Variants in R3HDM2 observed in about 807,000 individuals in gnomAD.
The protein encoded by R3HDM2 is R3H domain-containing protein 2.
In R3HDM2, 38 loss-of-function variants were observed where a neutral mutation model predicts 124.5. The ratio of observed to expected loss-of-function variants is 0.31; its 90% CI spans 0.24 to 0.40. The LOEUF (loss-of-function observed/expected upper bound fraction) is 0.40. R3HDM2 is among the 10% of genes least tolerant of loss of function. The probability of loss-of-function intolerance (pLI) is 1.00; values close to 1 mark genes in which losing one functional copy is unlikely to be tolerated. For missense variants in R3HDM2, 869 were observed against 1,236.9 expected, an observed-to-expected ratio of 0.70 and a Z score of 4.46; for synonymous variants, 391 against 448.0, an observed-to-expected ratio of 0.87 and a Z score of 1.61.
At chr12:57,288,369 T>TC (rs2047845939) in intron 12 of R3HDM2, among the ~76,000 whole-genome samples, 1 of 151,822 alleles carries the variant, frequency 6.6e-6, no homozygotes, top group South Asian at 2.1e-4. Context: ...CATAAAGGTG[T>TC]CCGTATATGT....
chr12:57,277,654 G>A (rs1374495126), intron 14 of R3HDM2, among the ~76,000 whole-genome samples: 2 of 152,072 alleles, frequency 1.3e-5, no homozygotes, highest in East Asian at 3.8e-4. Flanking sequence ...CACCAGGTTG[G>A]CCAGGCTGGT....
At chr12:57,305,385 G>A (rs1411345972) in intron 3 of R3HDM2, among the ~76,000 whole-genome samples, 2 of 151,890 alleles carry the variant, frequency 1.3e-5, no homozygotes, top group Non-Finnish European at 2.9e-5. Flanking sequence ...CCTTTTGTTA[G>A]TATAAATAAT....
At chr12:57,322,627 T>C (rs1371370260) in intron 2 of R3HDM2, among the ~76,000 whole-genome samples, 1 of 152,128 alleles carries the variant, frequency 6.6e-6, no homozygotes, top group African/African-American at 2.4e-5. Flanking sequence ...CTTTCTCGAC[T>C]TTTTTTTAAT....
At position 57,339,311 on chromosome 12, in the gene R3HDM2, A is replaced by G. The variant is rs140842222; in HGVS notation, c.-35-28848T>C. On this transcript the variant is annotated intron_variant, in intron 2 of 23. Transcript: ENST00000402412. ...TACGTCTGACCCATTTTACAAATGG[A>G]GACGTTAAATAATTTGGCCAAGGTC... Among the ~76,000 whole-genome samples, 10 of 152,238 alleles carry G rather than the reference A, an allele frequency of 6.6e-5. No homozygotes were observed. In the East Asian group the frequency reaches 1.7e-3, roughly 26 times the overall value.
At chr12:57,270,042 T>A (rs1001574791) in intron 14 of R3HDM2, 48 bp from the exon 15 acceptor site, 1 of 1,604,034 alleles carries the variant, frequency 6.2e-7, no homozygotes, top group African/African-American at 1.3e-5. Context: ...TCAAACCTCA[T>A]GTCTTTGGCT....
intron 1 of R3HDM2, among the ~76,000 whole-genome samples, chr12:57,405,429 T>C (rs1594533060): frequency 6.6e-6 from 1 of 151,842 alleles, no homozygotes; most frequent in Non-Finnish European, 1.5e-5. Flanking sequence ...AGATCAGGAG[T>C]TCGAGACCAG....
chr12:57,256,008 G>C lies in R3HDM2; in HGVS notation c.2614C>G (p.Leu872Val). The change falls in exon 23 of 24, where the codon CTG (leucine) becomes GTG (valine). Residue 872 changes from leucine (L) to valine (V), a missense_variant. By Grantham distance (32) the Leu-to-Val change is conservative. Coordinates refer to ENST00000402412, the MANE Select transcript of R3HDM2 (RefSeq NM_001394031.1). ...GACTCACCAACATCTGCTGTCCCCAGGTCAGTGGAGGCAGATTTGAGTGCT... is the reference window on the plus strand; with the variant it reads ...GACTCACCAACATCTGCTGTCCCCACGTCAGTGGAGGCAGATTTGAGTGCT... ...RQALKSASTD[L>V]GTADVVLGRV... The C allele has an allele frequency of 6.2e-7, 1 of 1,613,666 alleles. No individual in the cohort carries two copies. Among genetic ancestry groups the C allele is most frequent in the Non-Finnish European group, 8.5e-7 (1 of 1,179,718 alleles).
chr12:57,300,775 G>C (rs1330459935), intron 4 of R3HDM2, among the ~76,000 whole-genome samples: 1 of 152,156 alleles, frequency 6.6e-6, no homozygotes, highest in Non-Finnish European at 1.5e-5. Context: ...CCAAACCTGA[G>C]ATGCCAAGGG....
chr12:57,349,321 A>C (rs570596750), intron 2 of R3HDM2, among the ~76,000 whole-genome samples: 44 of 133,826 alleles, frequency 3.3e-4, no homozygotes, highest in Non-Finnish European at 5.9e-4. Flanking sequence ...CAGAGCTTGC[A>C]GTGAGCCGAG....
intron 1 of R3HDM2, among the ~76,000 whole-genome samples, chr12:57,424,878 T>C (rs1253470626): frequency 1.3e-5 from 2 of 152,192 alleles, no homozygotes; most frequent in South Asian, 2.1e-4. Context: ...CTATACAATA[T>C]TTTTAATAAC....
intron 2 of R3HDM2, among the ~76,000 whole-genome samples, chr12:57,377,768 C>T (rs1320585466): frequency 1.3e-5 from 2 of 152,136 alleles, no homozygotes; most frequent in Non-Finnish European, 2.9e-5. Flanking sequence ...CTAAGCCTCT[C>T]TTTATCTCAA....
chr12:57,390,346 A>C (rs912429682), intron 2 of R3HDM2, among the ~76,000 whole-genome samples: 4 of 151,988 alleles, frequency 2.6e-5, no homozygotes, highest in African/African-American at 9.7e-5. Flanking sequence ...GAAATGTAAC[A>C]GGGAAGGAGA....
intron 4 of R3HDM2, among the ~76,000 whole-genome samples, chr12:57,301,707 T>G (rs2051217479): frequency 6.6e-6 from 1 of 152,232 alleles, no homozygotes; most frequent in African/African-American, 2.4e-5. Context: ...TTCTTGGCCT[T>G]CTTCAAACTC....
intron 2 of R3HDM2, among the ~76,000 whole-genome samples, chr12:57,367,650 CTT>C (rs1450355871): frequency 6.6e-6 from 1 of 152,180 alleles, no homozygotes; most frequent in Admixed American, 6.6e-5. Flanking sequence ...GCTCAAACTT[CTT>C]TCTTTTCTCT....
At chr12:57,384,889 G>A (rs1040739256) in intron 2 of R3HDM2, among the ~76,000 whole-genome samples, 4 of 151,960 alleles carry the variant, frequency 2.6e-5, no homozygotes, top group Admixed American at 6.6e-5. Context: ...TCGCTCACAC[G>A]TGTAATGCCA....
chr12:57,361,375 CAAAAAAAAAAAA>C (rs71084747), intron 2 of R3HDM2, among the ~76,000 whole-genome samples: 2 of 57,374 alleles, frequency 3.5e-5, no homozygotes, highest in African/African-American at 5.8e-5. Context: ...AACTCTGTCT[CAAAAAAAAAAAA>C]AAAAAAAAAA....
intron 19 of R3HDM2, among the ~76,000 whole-genome samples, chr12:57,263,160 A>G (rs1367562830): frequency 6.6e-6 from 1 of 152,224 alleles, no homozygotes; most frequent in East Asian, 1.9e-4. Flanking sequence ...CTTGCATTTG[A>G]AGATGAATAG....
intron 3 of R3HDM2, among the ~76,000 whole-genome samples, chr12:57,305,978 C>T: frequency 6.6e-6 from 1 of 152,246 alleles, no homozygotes; most frequent in South Asian, 2.1e-4. Context: ...CAAAGGCTTC[C>T]TAGAGAAAGA....
intron 1 of R3HDM2, among the ~76,000 whole-genome samples, chr12:57,410,958 T>C (rs2068951723): frequency 6.6e-6 from 1 of 152,218 alleles, no homozygotes; most frequent in Non-Finnish European, 1.5e-5. Flanking sequence ...GGTTCTAATT[T>C]GGCCAAGTAA....
Sources: gnomAD v4.1 joint callset for allele counts (sites outside exome capture counted in the v4.1 genomes callset) on GRCh38, gnomAD v4.1.1 for gene constraint, MANE v1.5 for transcripts, NCBI Gene and HGNC (gene_info 2026-07-23, HGNC 2026-07-21) for gene names.